ADK: variants seen among roughly 807,000 people sequenced by gnomAD.
The protein encoded by ADK is adenosine kinase.
A neutral mutation model predicts 44.7 loss-of-function variants in ADK; 24 were observed. The observed-to-expected ratio is 0.54, with a 90% CI of 0.39 to 0.76. The LOEUF (loss-of-function observed/expected upper bound fraction) is 0.76. ADK is among the 30% of genes least tolerant of loss of function. The pLI is 0.00. For synonymous variants in ADK, 128 were observed against 142.6 expected, an observed-to-expected ratio of 0.90 and a Z score of 0.73; for missense variants, 321 against 425.1, an observed-to-expected ratio of 0.76 and a Z score of 2.15.
intron 2 of ADK, among the ~76,000 whole-genome samples, chr10:74,211,525 A>G (rs1043460148): frequency 6.6e-6 from 1 of 152,206 alleles, no homozygotes; most frequent in African/African-American, 2.4e-5. Flanking sequence ...CAAAAATTCT[A>G]AAAGTAAATG....
intron 10 of ADK, among the ~76,000 whole-genome samples, chr10:74,691,478 A>G (rs959457727): frequency 6.6e-6 from 1 of 152,232 alleles, no homozygotes; most frequent in African/African-American, 2.4e-5. Flanking sequence ...GATAAAGAAC[A>G]TTGGTAACTT....
At chr10:74,429,641 A>G (rs1844914933) in intron 6 of ADK, among the ~76,000 whole-genome samples, 1 of 152,150 alleles carries the variant, frequency 6.6e-6, no homozygotes, top group South Asian at 2.1e-4. Flanking sequence ...AGGAGCAGGA[A>G]CTGTCTAACA....
At chr10:74,178,650 T>C (rs774447237) in intron 1 of ADK, among the ~76,000 whole-genome samples, 1 of 152,220 alleles carries the variant, frequency 6.6e-6, no homozygotes, top group Non-Finnish European at 1.5e-5. Flanking sequence ...TAGGGGTTGA[T>C]AGTTTTTTTT....
intron 6 of ADK, among the ~76,000 whole-genome samples, chr10:74,440,642 T>G (rs948795351): frequency 6.6e-6 from 1 of 152,144 alleles, no homozygotes; most frequent in Non-Finnish European, 1.5e-5. Context: ...TTAGATCATC[T>G]AAACATGAAA....
Position 74,176,633 on chromosome 10 carries a change from T to C in ADK, c.66-24131T>C, listed in dbSNP as rs1377067082. 9 of 1,400,224 alleles carry C rather than the reference T, an allele frequency of 6.4e-6. No homozygotes were observed. In the Admixed American group the frequency reaches 2.1e-4, roughly 33 times the overall value. The allele number at this position is 1,400,224 out of a possible 1,614,324, so 86.7% of individuals were successfully genotyped here. ...CAGTGAGCTGGCACGAGACACGCGGTGGCCCACGGCGTCTGGGGACGATCT... is the reference window on the plus strand; with the variant it reads ...CAGTGAGCTGGCACGAGACACGCGGCGGCCCACGGCGTCTGGGGACGATCT... On this transcript the variant is annotated intron_variant, in intron 1 of 10. Coordinates refer to ENST00000539909, the MANE Select transcript of ADK (RefSeq NM_006721.4).
intron 3 of ADK, among the ~76,000 whole-genome samples, chr10:74,290,300 A>G (rs778894314): frequency 6.6e-6 from 1 of 151,846 alleles, no homozygotes; most frequent in African/African-American, 2.4e-5. Context: ...AGTTTTTCTT[A>G]TTGCTCATTT....
intron 2 of ADK, among the ~76,000 whole-genome samples, chr10:74,219,836 A>C (rs1430367432): frequency 2.0e-5 from 3 of 151,932 alleles, no homozygotes; most frequent in Middle Eastern, 3.4e-3. Context: ...ACAAAGACAC[A>C]ACATACCAGA....
At chr10:74,429,047 A>G (rs1844893327) in intron 6 of ADK, among the ~76,000 whole-genome samples, 2 of 152,256 alleles carry the variant, frequency 1.3e-5, no homozygotes, top group Admixed American at 1.3e-4. Flanking sequence ...GTGACAACAG[A>G]TGAAAATGGA....
intron 1 of ADK, among the ~76,000 whole-genome samples, chr10:74,160,444 G>A (rs2132035038): frequency 6.6e-6 from 1 of 152,312 alleles, no homozygotes; most frequent in Admixed American, 6.5e-5. Context: ...CAGTACCTCT[G>A]CCGATGCTTT....
intron 3 of ADK, among the ~76,000 whole-genome samples, chr10:74,259,456 C>CT (rs66533506): frequency 0.21 from 22,406 of 106,226 alleles, 2,990 homozygotes; most frequent in African/African-American, 0.36. Context: ...TTTTCTTTTC[C>CT]TTTTTTTTTT....
At chr10:74,665,176 A>G (rs576301272) in intron 9 of ADK, among the ~76,000 whole-genome samples, 4 of 148,788 alleles carry the variant, frequency 2.7e-5, no homozygotes, top group Non-Finnish European at 5.9e-5. Flanking sequence ...AATGTTGCAT[A>G]GAAATTGTCT....
chr10:74,656,065 TGG>T, intron 9 of ADK: 1 of 444,660 alleles, frequency 2.2e-6, no homozygotes, highest in Middle Eastern at 3.5e-4. Context: ...ATGATAGACC[TGG>T]GACATGTGAA....
intron 9 of ADK, among the ~76,000 whole-genome samples, chr10:74,602,249 A>G (rs1332082455): frequency 6.6e-6 from 1 of 152,182 alleles, no homozygotes; most frequent in Non-Finnish European, 1.5e-5. Flanking sequence ...AAAAGAAACC[A>G]TGAAAAGATA....
chr10:74,543,206 AT>A (rs1490229932), intron 7 of ADK, among the ~76,000 whole-genome samples: 3 of 145,676 alleles, frequency 2.1e-5, no homozygotes, highest in African/African-American at 7.9e-5. Flanking sequence ...GGCCTATTTC[AT>A]TTAAAAAAAA....
chr10:74,327,641 C>G (rs1451220680), intron 4 of ADK, among the ~76,000 whole-genome samples: 3 of 152,058 alleles, frequency 2.0e-5, no homozygotes, highest in Non-Finnish European at 4.4e-5. Flanking sequence ...ATTACATACT[C>G]AGCTTAGTAT....
intron 6 of ADK, 114 bp from the exon 7 acceptor site, chr10:74,525,142 A>G: frequency 9.5e-7 from 1 of 1,054,592 alleles, no homozygotes; most frequent in Admixed American, 2.1e-5. Flanking sequence ...TCTGCCTTGC[A>G]TCTTATAATT....
intron 2 of ADK, among the ~76,000 whole-genome samples, chr10:74,202,876 T>G (rs998288050): frequency 3.3e-5 from 5 of 152,252 alleles, no homozygotes; most frequent in Admixed American, 3.3e-4. Flanking sequence ...AGCATATGAT[T>G]TGCAAACATT....
chr10:74,160,045 G>A (rs968160332), intron 1 of ADK, among the ~76,000 whole-genome samples: 1 of 152,210 alleles, frequency 6.6e-6, no homozygotes, highest in African/African-American at 2.4e-5. Context: ...AAGGAAGAGA[G>A]TTTTTCTATA....
At chr10:74,294,892 G>A (rs1217328028) in intron 3 of ADK, among the ~76,000 whole-genome samples, 4 of 151,908 alleles carry the variant, frequency 2.6e-5, no homozygotes, top group South Asian at 2.1e-4. Flanking sequence ...GTCTTGCTCC[G>A]TTGCTCAGGC....
Sources: gnomAD v4.1 joint callset for allele counts (sites outside exome capture counted in the v4.1 genomes callset) on GRCh38, gnomAD v4.1.1 for gene constraint, MANE v1.5 for transcripts, NCBI Gene and HGNC (gene_info 2026-07-23, HGNC 2026-07-21) for gene names.